Variants in GPC6 observed in about 807,000 individuals in gnomAD.
GPC6 encodes glypican-6.
In GPC6, 14 loss-of-function variants were observed where a neutral mutation model predicts 55.2. The ratio of observed to expected loss-of-function variants is 0.25; its 90% confidence interval spans 0.17 to 0.40. GPC6 has a LOEUF of 0.40. Among genes scored for constraint, GPC6 ranks in the 10% least tolerant of loss-of-function variants. The probability of loss-of-function intolerance (pLI) is 1.00; values close to 1 mark genes in which losing one functional copy is unlikely to be tolerated. For missense variants in GPC6, 641 were observed against 708.5 expected, an observed-to-expected ratio of 0.90 and a Z score of 1.08; for synonymous variants, 278 against 259.6, an observed-to-expected ratio of 1.07 and a Z score of -0.68.
chr13:94,308,102 T>C (rs1876047355), intron 6 of GPC6, among the ~76,000 whole-genome samples: 1 of 152,214 alleles, frequency 6.6e-6, no homozygotes, highest in African/African-American at 2.4e-5. Flanking sequence ...TAGTTAAAAT[T>C]GCACTGAATT....
intron 3 of GPC6, among the ~76,000 whole-genome samples, chr13:93,876,653 C>T (rs1889306525): frequency 6.6e-6 from 1 of 152,190 alleles, no homozygotes; most frequent in South Asian, 2.1e-4. Context: ...TTTTAAAACA[C>T]TTCTCTCACT....
At chr13:93,331,430 G>A (rs1347492313) in intron 1 of GPC6, among the ~76,000 whole-genome samples, 4 of 152,132 alleles carry the variant, frequency 2.6e-5, no homozygotes, top group African/African-American at 7.2e-5. Context: ...AAGAAGCGTG[G>A]TAGAGTATGA....
intron 3 of GPC6, among the ~76,000 whole-genome samples, chr13:93,893,506 G>A (rs956400601): frequency 2.6e-5 from 4 of 152,112 alleles, no homozygotes; most frequent in Admixed American, 6.6e-5. Flanking sequence ...ACAGGCCTGG[G>A]ATTACAGACA....
rs1445862622 is a variant in GPC6, at chr13:93,641,855, C to CT, written c.319+96441dup. On this transcript the variant is annotated intron_variant, in intron 2 of 8. Coordinates refer to ENST00000377047, the MANE Select transcript of GPC6 (RefSeq NM_005708.5). ...GTGACACAAACTCATGTGATATATA[C>CT]TTTTTTTCAGAAATAAAGCAATACA... 3.9e-5 allele frequency among the ~76,000 whole-genome samples: 6 copies of CT among 152,126 alleles called. No homozygotes were observed. The East Asian group carries it at 9.7e-4, about 24-fold the overall frequency.
intron 3 of GPC6, among the ~76,000 whole-genome samples, chr13:93,988,435 A>G (rs1290882714): frequency 6.6e-6 from 1 of 152,172 alleles, no homozygotes; most frequent in Non-Finnish European, 1.5e-5. Context: ...AGCACTATAT[A>G]AGTTAATATA....
intron 3 of GPC6, among the ~76,000 whole-genome samples, chr13:94,008,471 A>G (rs1594662208): frequency 1.3e-5 from 2 of 152,094 alleles, no homozygotes; most frequent in Admixed American, 6.5e-5. Flanking sequence ...CCTAGCCAAC[A>G]TGATTGGTGA....
chr13:93,281,962 T>C (rs1225762518), intron 1 of GPC6, among the ~76,000 whole-genome samples: 1 of 152,230 alleles, frequency 6.6e-6, no homozygotes, highest in Non-Finnish European at 1.5e-5. Context: ...TTGACGCTGA[T>C]GGAAAGGTAA....
chr13:94,126,018 CAATT>C (rs1049066051), intron 4 of GPC6, among the ~76,000 whole-genome samples: 4 of 151,836 alleles, frequency 2.6e-5, no homozygotes, highest in Non-Finnish European at 5.9e-5. Flanking sequence ...AAATTTTAAA[CAATT>C]AAAGAAAAAT....
chr13:93,674,700 G>A (rs1048961517), intron 2 of GPC6, among the ~76,000 whole-genome samples: 3 of 152,186 alleles, frequency 2.0e-5, no homozygotes, highest in African/African-American at 7.2e-5. Flanking sequence ...TGCTGATTTA[G>A]TGTTGTGCTG....
chr13:94,358,399 T>A (rs907347548), intron 6 of GPC6, among the ~76,000 whole-genome samples: 10 of 152,222 alleles, frequency 6.6e-5, no homozygotes, highest in Non-Finnish European at 7.3e-5. Flanking sequence ...AGATTTTTTT[T>A]AATTACTGCA....
At chr13:93,326,444 A>ACACACGCACACG (rs141012826) in intron 1 of GPC6, among the ~76,000 whole-genome samples, 1 of 151,780 alleles carries the variant, frequency 6.6e-6, no homozygotes, top group African/African-American at 2.4e-5. Flanking sequence ...CTCTGGCTAC[A>ACACACGCACACG]CACACGCACA....
chr13:93,897,562 G>A (rs888648411), intron 3 of GPC6, among the ~76,000 whole-genome samples: 1 of 152,028 alleles, frequency 6.6e-6, no homozygotes, highest in Admixed American at 6.6e-5. Context: ...TAAAAAACTA[G>A]CCTCTTCAGA....
intron 3 of GPC6, among the ~76,000 whole-genome samples, chr13:93,905,448 T>A (rs1235098115): frequency 6.6e-6 from 1 of 152,174 alleles, no homozygotes; most frequent in African/African-American, 2.4e-5. Flanking sequence ...GCCAGTCATA[T>A]TGTTTAAAAG....
chr13:93,731,468 G>A (rs1230739369), intron 2 of GPC6, among the ~76,000 whole-genome samples: 1 of 152,116 alleles, frequency 6.6e-6, no homozygotes, highest in African/African-American at 2.4e-5. Context: ...AAATTAGCTT[G>A]GTGGTTCTAT....
intron 1 of GPC6, among the ~76,000 whole-genome samples, chr13:93,544,176 G>A (rs527449082): frequency 2.0e-5 from 3 of 151,816 alleles, no homozygotes; most frequent in African/African-American, 7.2e-5. Flanking sequence ...AACAGCAAAA[G>A]ACCTAACGTT....
intron 4 of GPC6, among the ~76,000 whole-genome samples, chr13:94,193,594 G>T (rs1280288898): frequency 6.6e-6 from 1 of 152,166 alleles, no homozygotes; most frequent in Non-Finnish European, 1.5e-5. Flanking sequence ...ACAGAACGTG[G>T]TGAGCGTGCG....
intron 3 of GPC6, among the ~76,000 whole-genome samples, chr13:93,886,019 GCA>G (rs1293954142): frequency 4.6e-5 from 7 of 152,028 alleles, no homozygotes; most frequent in African/African-American, 1.2e-4. Flanking sequence ...AGAAGGCTCT[GCA>G]CAGTTATTTT....
At chr13:93,629,586 A>G (rs1879347822) in intron 2 of GPC6, among the ~76,000 whole-genome samples, 1 of 152,134 alleles carries the variant, frequency 6.6e-6, no homozygotes, top group East Asian at 1.9e-4. Flanking sequence ...AACATTACAT[A>G]CTCTCTTAGA....
chr13:94,181,590 A>G (rs1467880790), intron 4 of GPC6, among the ~76,000 whole-genome samples: 1 of 152,220 alleles, frequency 6.6e-6, no homozygotes, highest in Admixed American at 6.5e-5. Context: ...TCACTTTATT[A>G]AGGTCCTGTA....
Sources: allele counts gnomAD v4.1 joint callset (sites outside exome capture counted in the v4.1 genomes callset), GRCh38; gene constraint gnomAD v4.1.1; transcripts MANE v1.5; gene names NCBI Gene and HGNC (gene_info 2026-07-23, HGNC 2026-07-21).